Variants in RCC1 observed in about 807,000 individuals in gnomAD.
RCC1 encodes the protein regulator of chromosome condensation 1, also known as regulator of chromosome condensation.
A neutral mutation model predicts 44.4 loss-of-function variants in RCC1; 11 were observed. That is an observed-to-expected ratio of 0.25 (90% CI 0.16 to 0.41). RCC1 has a LOEUF of 0.41. RCC1 is among the 10% of genes least tolerant of loss of function. RCC1 has a pLI of 1.00. For synonymous variants in RCC1, 213 were observed against 216.5 expected, an observed-to-expected ratio of 0.98 and a Z score of 0.14; for missense variants, 386 against 547.1, an observed-to-expected ratio of 0.71 and a Z score of 2.94.
At chr1:28,511,810 G>T (rs570526677) in intron 3 of RCC1, among the ~76,000 whole-genome samples, 4 of 151,752 alleles carry the variant, frequency 2.6e-5, no homozygotes, top group Admixed American at 6.6e-5. Context: ...ACAGGCGCAC[G>T]CCACCATGCC....
At chr1:28,519,522 G>A (rs1663137871) in intron 4 of RCC1, among the ~76,000 whole-genome samples, 1 of 152,120 alleles carries the variant, frequency 6.6e-6, no homozygotes, top group South Asian at 2.1e-4. Context: ...CAGAGCATTG[G>A]TTTCCTTATC....
At chr1:28,531,721 G>C in intron 5 of RCC1, 82 bp from the exon 6 acceptor site, 1 of 1,246,228 alleles carries the variant, frequency 8.0e-7, no homozygotes, top group South Asian at 1.9e-5. Context: ...CTTCTGCACA[G>C]GTTTGTCTGA....
At chr1:28,529,528 C>T (rs1412977280) in intron 4 of RCC1, among the ~76,000 whole-genome samples, 3 of 152,010 alleles carry the variant, frequency 2.0e-5, no homozygotes, top group Admixed American at 2.0e-4. Context: ...TGGGGAACAT[C>T]TTTCTATTCA....
chr1:28,510,646 C>T (rs1001888695), intron 3 of RCC1: 1 of 152,162 alleles, frequency 6.6e-6, no homozygotes, highest in Non-Finnish European at 1.5e-5. Context: ...TTACCTGTGC[C>T]AGGCACTGTT....
chr1:28,518,578 C>T (rs1381711653), intron 4 of RCC1: 3 of 149,630 alleles, frequency 2.0e-5, no homozygotes, highest in Admixed American at 1.3e-4. Flanking sequence ...CCTCTCACGC[C>T]CGCACCGCGG....
At position 28,536,724 on chromosome 1, in the gene RCC1, C is replaced by T. The variant is rs749419092; in HGVS notation, c.938-23C>T. ...CTGTAGCACGCCCTCTGCTATTGCTCATCTCTCTCCCTCCTCCCATAGGAA... is the reference window on the plus strand; with the variant it reads ...CTGTAGCACGCCCTCTGCTATTGCTTATCTCTCTCCCTCCTCCCATAGGAA... On this transcript the variant is annotated intron_variant, in intron 11 of 12. Transcript: ENST00000683442. This position sits in a 1 kb window ranked among gnomAD's most constrained non-coding sequence, Gnocchi z 4.9. The T allele has an allele frequency of 1.2e-5, 19 of 1,612,398 alleles. No homozygotes were observed. The highest frequency in any genetic ancestry group is 1.6e-5 in the Non-Finnish European group (19 of 1,178,908).
intron 4 of RCC1, among the ~76,000 whole-genome samples, chr1:28,520,971 A>G (rs1663230806): frequency 1.3e-5 from 2 of 151,744 alleles, no homozygotes; most frequent in Admixed American, 1.3e-4. Flanking sequence ...TCCCAGCACT[A>G]GGGAGGCTGA....
In RCC1 at chr1:28,536,968, T is replaced by C. The variant is rs1664594180; in HGVS notation, c.1090+69T>C. 1.7e-5 allele frequency: 26 copies of C among 1,549,290 alleles called. No homozygotes were observed. The highest frequency in any genetic ancestry group is 1.5e-4 in the Admixed American group (9 of 58,198). On this transcript the variant is annotated intron_variant, in intron 12 of 12. Transcript: ENST00000683442. This position sits in a 1 kb window ranked among gnomAD's most constrained non-coding sequence, Gnocchi z 4.9. ...TCATGGTTCTTACCCAATTCCCCAA[T>C]AGGCTGTGATGTCCACTCTCGGGGG...
intron 3 of RCC1, 146 bp downstream of exon 3, chr1:28,509,051 C>T (rs1662287933): frequency 1.6e-5 from 6 of 369,078 alleles, no homozygotes; most frequent in South Asian, 1.2e-4. Context: ...TTGGCTGCAA[C>T]CTCAGCCTCC....
intron 4 of RCC1, among the ~76,000 whole-genome samples, chr1:28,528,844 C>CTTTTTTT (rs59005617): frequency 2.3e-5 from 2 of 87,200 alleles, no homozygotes; most frequent in Non-Finnish European, 4.3e-5. Context: ...GTTTTTCTTC[C>CTTTTTTT]TTTTTTTTTT....
intron 3 of RCC1, among the ~76,000 whole-genome samples, chr1:28,512,798 T>A (rs1662642660): frequency 6.6e-6 from 1 of 152,122 alleles, no homozygotes; most frequent in South Asian, 2.1e-4. Flanking sequence ...TTCAAATCTA[T>A]CCTTGCTAGT....
intron 3 of RCC1, among the ~76,000 whole-genome samples, chr1:28,512,638 A>G (rs1419149219): frequency 6.6e-6 from 1 of 152,160 alleles, no homozygotes; most frequent in Non-Finnish European, 1.5e-5. Context: ...ATTTAGTGCT[A>G]TAAATTTCCT....
chr1:28,535,606 T>C, intron 9 of RCC1: 1 of 787,622 alleles, frequency 1.3e-6, no homozygotes, highest in South Asian at 1.5e-5. Context: ...ACCTACTTCA[T>C]TAGGTTGCTG....
chr1:28,520,225 CAG>C (rs1570183774), intron 4 of RCC1, among the ~76,000 whole-genome samples: 1 of 152,168 alleles, frequency 6.6e-6, no homozygotes, highest in Non-Finnish European at 1.5e-5. Context: ...ACCTTACACA[CAG>C]AGATTTTTCA....
chr1:28,536,998 G>A lies in RCC1; in HGVS notation c.1090+99G>A, dbSNP rs1001220717. The A allele has an allele frequency of 1.3e-5, 17 of 1,314,346 alleles. No homozygotes were observed. Among genetic ancestry groups the A allele is most frequent in the South Asian group, 2.6e-5 (2 of 76,626 alleles). The allele number at this position is 1,314,346 out of a possible 1,614,324, so 81.4% of individuals were successfully genotyped here. A position where few individuals can be genotyped will look rare whatever the true frequency, so the allele number is the denominator to read the frequency against. On this transcript the variant is annotated intron_variant, in intron 12 of 12. Coordinates refer to ENST00000683442, the MANE Select transcript of RCC1 (RefSeq NM_001381865.2). The surrounding 1 kb of genome is among the most constrained non-coding windows in gnomAD (Gnocchi z 4.9). ...TGTGATGTCCACTCTCGGGGGAGCC[G>A]AGGTACAGAGAGCAGTGTTTGTGAT...
chr1:28,513,237 G>A (rs984100468), intron 3 of RCC1, among the ~76,000 whole-genome samples: 4 of 151,542 alleles, frequency 2.6e-5, no homozygotes, highest in South Asian at 2.1e-4. Flanking sequence ...TGGGGTTTGC[G>A]CGGCTGAAGT....
intron 3 of RCC1, among the ~76,000 whole-genome samples, chr1:28,514,775 A>G (rs1334870310): frequency 6.6e-6 from 1 of 151,604 alleles, no homozygotes; most frequent in Non-Finnish European, 1.5e-5. Flanking sequence ...AAAAAAAAAC[A>G]ATCTTCCGGC....
intron 3 of RCC1, among the ~76,000 whole-genome samples, chr1:28,514,203 C>A (rs1010942139): frequency 6.6e-6 from 1 of 151,764 alleles, no homozygotes; most frequent in East Asian, 1.9e-4. Flanking sequence ...GTTATCCCAG[C>A]ATTTTGGGAG....
Position 28,536,169 on chromosome 1 carries a change from A to G in RCC1, c.818-93A>G. On this transcript the variant is annotated intron_variant, in intron 10 of 12. Transcript: ENST00000683442. This position sits in a 1 kb window ranked among gnomAD's most constrained non-coding sequence, Gnocchi z 4.9. ...TCATCTGTAAAGTGAGAATGTCCAT[A>G]TCCTGATGGGAGGTGGCCTCACTGT... is the stretch of plus-strand genomic sequence containing the variant. The G allele has an allele frequency of 1.3e-6, 2 of 1,561,650 alleles. No homozygotes were observed. The highest frequency in any genetic ancestry group is 1.7e-6 in the Non-Finnish European group (2 of 1,151,894).
Sources: gnomAD v4.1 joint callset for allele counts (sites outside exome capture counted in the v4.1 genomes callset) on GRCh38, gnomAD v4.1.1 for gene constraint, Gnocchi (gnomAD v3.1) non-coding constraint, MANE v1.5 for transcripts, NCBI Gene and HGNC (gene_info 2026-07-23, HGNC 2026-07-21) for gene names.